Variants in CDH13 observed in about 807,000 individuals in gnomAD.
CDH13 encodes the protein cadherin 13.
In CDH13, 24 loss-of-function variants were observed where a neutral mutation model predicts 63.8. The observed-to-expected ratio is 0.38, with a 90% confidence interval of 0.27 to 0.53. The LOEUF (loss-of-function observed/expected upper bound fraction) is 0.53, where lower values mean the gene tolerates loss of function less well. Ranked by LOEUF, CDH13 falls within the 20% of genes least tolerant of loss-of-function variation. CDH13 has a pLI of 0.85. For synonymous variants in CDH13, 503 were observed against 355.3 expected (o/e 1.42, Z -4.67); for missense variants, 1,049 against 903.1 (o/e 1.16, Z -2.07).
chr16:83,260,221 ACTT>A (rs1346774141), intron 5 of CDH13, among the ~76,000 whole-genome samples: 1 of 151,610 alleles, frequency 6.6e-6, no homozygotes, highest in African/African-American at 2.4e-5. Flanking sequence ...GTCGCTTGTT[ACTT>A]AAAATACTGG....
At chr16:83,249,643 C>T (rs769462280) in intron 5 of CDH13, among the ~76,000 whole-genome samples, 2 of 152,176 alleles carry the variant, frequency 1.3e-5, no homozygotes, top group South Asian at 2.1e-4. Flanking sequence ...TCCATGCCAT[C>T]GAAGTAGATT....
intron 6 of CDH13, among the ~76,000 whole-genome samples, chr16:83,443,408 A>G (rs2072541488): frequency 6.6e-6 from 1 of 152,178 alleles, no homozygotes. Flanking sequence ...TGCGTGTTGA[A>G]TGTTACGAAA....
chr16:83,471,441 A>T (rs2073450555), intron 6 of CDH13, among the ~76,000 whole-genome samples: 1 of 151,966 alleles, frequency 6.6e-6, no homozygotes, highest in Non-Finnish European at 1.5e-5. Context: ...CGCCCGGCTA[A>T]TTTTTTGTAT....
intron 3 of CDH13, among the ~76,000 whole-genome samples, chr16:83,089,889 G>T (rs373032760): frequency 3.8e-4 from 58 of 152,194 alleles, no homozygotes; most frequent in African/African-American, 1.3e-3. Flanking sequence ...CTGGGATAGG[G>T]CCTAGGACTC....
At chr16:83,431,478 G>C (rs1336673113) in intron 6 of CDH13, among the ~76,000 whole-genome samples, 2 of 151,994 alleles carry the variant, frequency 1.3e-5, no homozygotes, top group Non-Finnish European at 2.9e-5. Context: ...CATTGTATCA[G>C]TCCGTTCTTG....
At chr16:83,125,772 C>G (rs950893743) in intron 4 of CDH13, among the ~76,000 whole-genome samples, 4 of 152,146 alleles carry the variant, frequency 2.6e-5, no homozygotes, top group Non-Finnish European at 4.4e-5. Flanking sequence ...GGTTAAGAAA[C>G]AAGGCTCATT....
chr16:83,369,841 C>G (rs1380008976), intron 6 of CDH13, among the ~76,000 whole-genome samples: 1 of 152,164 alleles, frequency 6.6e-6, no homozygotes, highest in African/African-American at 2.4e-5. Flanking sequence ...AACTGTGAGC[C>G]TCGTGTTTGT....
At chr16:82,634,457 G>A (rs895585879) in intron 1 of CDH13, among the ~76,000 whole-genome samples, 3 of 152,204 alleles carry the variant, frequency 2.0e-5, no homozygotes, top group African/African-American at 7.2e-5. Context: ...CAGACTGCCC[G>A]GAGTATCCCT....
intron 2 of CDH13, among the ~76,000 whole-genome samples, chr16:82,909,650 A>G (rs990285965): frequency 2.6e-5 from 4 of 152,072 alleles, no homozygotes; most frequent in Admixed American, 6.6e-5. Flanking sequence ...GGGAACTCCC[A>G]TTTGTAAAAC....
At chr16:82,672,591 C>T (rs1029258320) in intron 1 of CDH13, among the ~76,000 whole-genome samples, 5 of 152,118 alleles carry the variant, frequency 3.3e-5, no homozygotes, top group African/African-American at 2.4e-5. Flanking sequence ...TCCCCTACTG[C>T]TTCCCCACAC....
intron 8 of CDH13, among the ~76,000 whole-genome samples, chr16:83,616,620 T>A (rs1909304651): frequency 6.6e-6 from 1 of 152,108 alleles, no homozygotes; most frequent in South Asian, 2.1e-4. Flanking sequence ...TCTACTTTTT[T>A]AACTCTAAGA....
intron 2 of CDH13, among the ~76,000 whole-genome samples, chr16:83,025,631 A>G (rs553240190): frequency 7.9e-5 from 12 of 152,296 alleles, no homozygotes; most frequent in African/African-American, 2.6e-4. Context: ...ACACAGCCAA[A>G]CCATATCAGG....
chr16:82,789,121 G>A (rs548679386), intron 1 of CDH13, among the ~76,000 whole-genome samples: 15 of 152,102 alleles, frequency 9.9e-5, no homozygotes, highest in Non-Finnish European at 1.5e-4. Flanking sequence ...TTTTCCATTT[G>A]TCTTGGAATT....
At chr16:83,540,335 T>G (rs1354186033) in intron 7 of CDH13, among the ~76,000 whole-genome samples, 2 of 152,004 alleles carry the variant, frequency 1.3e-5, no homozygotes, top group African/African-American at 4.8e-5. Flanking sequence ...CCCGAAGGAG[T>G]GCTGAAGACA....
intron 4 of CDH13, among the ~76,000 whole-genome samples, chr16:83,135,192 A>C (rs1002105492): frequency 6.6e-6 from 1 of 152,192 alleles, no homozygotes; most frequent in South Asian, 2.1e-4. Context: ...GCAATCCTAC[A>C]CTCATTTCTC....
At chr16:82,759,591 AAT>A (rs1022030738) in intron 1 of CDH13, among the ~76,000 whole-genome samples, 3 of 150,654 alleles carry the variant, frequency 2.0e-5, no homozygotes, top group African/African-American at 7.3e-5. Context: ...ACACATATAT[AAT>A]ATATATGTAT....
chr16:83,657,968 A>C (rs1286157088), intron 8 of CDH13, among the ~76,000 whole-genome samples: 1 of 148,776 alleles, frequency 6.7e-6, no homozygotes, highest in Admixed American at 6.6e-5. Context: ...GCAAGGTCTC[A>C]TGTCCTCACC....
intron 2 of CDH13, among the ~76,000 whole-genome samples, chr16:83,024,689 C>T (rs1010367381): frequency 6.6e-6 from 1 of 152,176 alleles, no homozygotes; most frequent in Non-Finnish European, 1.5e-5. Flanking sequence ...GTAAAGCTCA[C>T]AGTGTAATGT....
At chr16:82,973,889 A>C (rs970008606) in intron 2 of CDH13, among the ~76,000 whole-genome samples, 1 of 151,956 alleles carries the variant, frequency 6.6e-6, no homozygotes, top group South Asian at 2.1e-4. Context: ...ATACTCACAC[A>C]CCTTATTTTT....
Sources: allele counts gnomAD v4.1 joint callset (sites outside exome capture counted in the v4.1 genomes callset), GRCh38; gene constraint gnomAD v4.1.1; transcripts MANE v1.5; gene names NCBI Gene and HGNC (gene_info 2026-07-23, HGNC 2026-07-21).